Variants in ZFHX3 observed in about 807,000 individuals in gnomAD.
ZFHX3 encodes zinc finger homeobox protein 3.
Under a neutral mutation model 279.1 loss-of-function variants are expected in ZFHX3, and 42 were observed. The observed-to-expected ratio is 0.15, with a 90% CI of 0.12 to 0.19. The LOEUF (loss-of-function observed/expected upper bound fraction) is 0.19. Among genes scored for constraint, ZFHX3 ranks in the 10% least tolerant of loss-of-function variants. The pLI, the probability that ZFHX3 is intolerant of heterozygous loss-of-function variation, is 1.00. For synonymous variants in ZFHX3, 2,293 were observed against 1,957.8 expected, an observed-to-expected ratio of 1.17 and a Z score of -4.52; for missense variants, 4,981 against 4,754.0, an observed-to-expected ratio of 1.05 and a Z score of -1.40.
At chr16:73,864,594 C>G (rs1027036764) in intron 1 of ZFHX3, among the ~76,000 whole-genome samples, 3 of 152,164 alleles carry the variant, frequency 2.0e-5, no homozygotes, top group Non-Finnish European at 4.4e-5. Context: ...TGGCTGGCGC[C>G]TGTAGTCCCA....
rs374747913 is a variant in ZFHX3 at position 72,788,041 on chromosome 16, T to G, written c.10235A>C (p.Lys3412Thr). The G allele has an allele frequency of 2.5e-6, 4 of 1,612,392 alleles. No individual in the cohort carries two copies. Among genetic ancestry groups the G allele is most frequent in the Non-Finnish European group, 2.5e-6 (3 of 1,179,852 alleles). The change falls in exon 10 of 10, where the codon AAA (lysine) becomes ACA (threonine). Residue 3412 changes from lysine to threonine, a missense_variant. Lys to Thr is a moderately conservative substitution (Grantham distance 78). Transcript: ENST00000268489. ...PVPPGAPSPD[K>T]DPAKESPKPE... is the part of the protein sequence containing the mutation. ...TTTGGGGGATTCTTTGGCAGGGTCT[T>G]TGTCTGGGGAAGGAGCCCCGGGGGG...
intron 2 of ZFHX3, among the ~76,000 whole-genome samples, chr16:73,466,308 C>T (rs895484843): frequency 6.6e-6 from 1 of 152,100 alleles, no homozygotes; most frequent in African/African-American, 2.4e-5. Flanking sequence ...ATGGGAAAAC[C>T]CTGTCTCTAC....
At position 73,207,491 on chromosome 16, in the gene ZFHX3, A is replaced by C. The variant is rs1206659574; in HGVS notation, c.-1104+49556T>G. On this transcript the variant is annotated intron_variant, in intron 5 of 17. Coordinates refer to the ZFHX3 transcript ENST00000641206. ...TGGTTCATTTGGTTAGTAAATAGGT[A>C]ATAATAAAGCCAAAAGAACGACAGC... Among the ~76,000 whole-genome samples, 3 of 152,320 alleles carry C rather than the reference A, an allele frequency of 2.0e-5. No homozygotes were observed. The East Asian group carries it at 5.8e-4, about 29-fold the overall frequency.
chr16:72,946,679 C>G (rs2144371697), intron 3 of ZFHX3, among the ~76,000 whole-genome samples: 1 of 152,250 alleles, frequency 6.6e-6, no homozygotes, highest in African/African-American at 2.4e-5. Flanking sequence ...AGCTCTGAAC[C>G]CACACGCCTC....
At chr16:73,259,975 G>A (rs1380778010) in intron 4 of ZFHX3, among the ~76,000 whole-genome samples, 4 of 151,776 alleles carry the variant, frequency 2.6e-5, no homozygotes, top group African/African-American at 7.3e-5. Context: ...GTCCTTAACC[G>A]TAAAATAAAT....
intron 5 of ZFHX3, among the ~76,000 whole-genome samples, chr16:73,192,559 T>C (rs534080719): frequency 6.6e-6 from 1 of 152,312 alleles, no homozygotes; most frequent in Non-Finnish European, 1.5e-5. Context: ...GTCTGAGCTG[T>C]CTGGCTCCTT....
At chr16:73,198,346 T>C (rs1194299777) in intron 5 of ZFHX3, among the ~76,000 whole-genome samples, 1 of 151,932 alleles carries the variant, frequency 6.6e-6, no homozygotes, top group Non-Finnish European at 1.5e-5. Context: ...GGTATCTTTT[T>C]TTTTTTTTTT....
At chr16:73,450,722 A>G (rs1406674128) in intron 3 of ZFHX3, among the ~76,000 whole-genome samples, 1 of 152,174 alleles carries the variant, frequency 6.6e-6, no homozygotes, top group Non-Finnish European at 1.5e-5. Context: ...GAACATGTCG[A>G]AGGAGAACTC....
At chr16:73,551,759 G>C (rs1035147891) in intron 2 of ZFHX3, among the ~76,000 whole-genome samples, 1 of 152,160 alleles carries the variant, frequency 6.6e-6, no homozygotes, top group Non-Finnish European at 1.5e-5. Context: ...CAGCCCACTT[G>C]ATTACATCCT....
chr16:73,615,142 A>G lies in ZFHX3; in HGVS notation c.-1547+65038T>C, dbSNP rs59412212. The stretch of plus-strand genomic sequence containing the variant: ...ACATGTTCAAGAGAGCAAAGCTATT[A>G]AAGAAAAAAAAAAAAAAGCTTGACA... On this transcript the variant is annotated intron_variant, in intron 2 of 17. Transcript: ENST00000641206. Among the ~76,000 whole-genome samples the G allele has an allele frequency of 3.0e-4, 46 of 151,568 alleles. 1 individual carries two copies. In the East Asian group the frequency reaches 5.6e-3, roughly 18 times the overall value.
At chr16:73,879,733 GC>G (rs2030080258) in intron 1 of ZFHX3, among the ~76,000 whole-genome samples, 1 of 152,090 alleles carries the variant, frequency 6.6e-6, no homozygotes, top group African/African-American at 2.4e-5. Context: ...GGGATTCTCA[GC>G]CTCCACAGTG....
At chr16:72,829,326 C>G (rs182206957) in intron 5 of ZFHX3, among the ~76,000 whole-genome samples, 95 of 152,156 alleles carry the variant, frequency 6.2e-4, no homozygotes, top group African/African-American at 1.9e-3. Context: ...AATCTTGAGG[C>G]TAAGAATCAG....
chr16:72,844,379 G>A (rs1226364155), intron 4 of ZFHX3, among the ~76,000 whole-genome samples: 3 of 152,116 alleles, frequency 2.0e-5, no homozygotes, highest in African/African-American at 4.8e-5. Context: ...CAATGGCTGA[G>A]GTCAGAGGGT....
At chr16:73,244,988 T>G (rs1292857763) in intron 5 of ZFHX3, among the ~76,000 whole-genome samples, 3 of 152,306 alleles carry the variant, frequency 2.0e-5, no homozygotes, top group South Asian at 2.1e-4. Context: ...GCCACCTATA[T>G]TAACAGAGCC....
intron 1 of ZFHX3, among the ~76,000 whole-genome samples, chr16:73,872,226 TAA>T (rs2029863775): frequency 6.6e-6 from 1 of 151,766 alleles, no homozygotes; most frequent in Admixed American, 6.6e-5. Flanking sequence ...ACTCCCCATA[TAA>T]AAGAGAGGAC....
intron 2 of ZFHX3, among the ~76,000 whole-genome samples, chr16:73,481,266 C>T (rs993550124): frequency 1.3e-5 from 2 of 151,452 alleles, no homozygotes; most frequent in Non-Finnish European, 2.9e-5. Flanking sequence ...GAGGTGGAGG[C>T]TGCAGTGAGC....
At chr16:73,180,186 C>G (rs1283896733) in intron 5 of ZFHX3, among the ~76,000 whole-genome samples, 1 of 152,190 alleles carries the variant, frequency 6.6e-6, no homozygotes, top group African/African-American at 2.4e-5. Context: ...CTCTTGGACC[C>G]AGGGGTCACT....
intron 5 of ZFHX3, among the ~76,000 whole-genome samples, chr16:73,247,519 A>G (rs894810613): frequency 1.3e-5 from 2 of 150,596 alleles, no homozygotes; most frequent in Non-Finnish European, 3.0e-5. Context: ...GTGTGTTTGT[A>G]TACTACGTAT....
intron 3 of ZFHX3, among the ~76,000 whole-genome samples, chr16:72,918,992 G>A (rs922509962): frequency 7.9e-5 from 12 of 151,572 alleles, no homozygotes; most frequent in Non-Finnish European, 1.5e-4. Flanking sequence ...CACCGCACCC[G>A]GCCTGTTTAG....
Sources: allele counts gnomAD v4.1 joint callset (sites outside exome capture counted in the v4.1 genomes callset), GRCh38; gene constraint gnomAD v4.1.1; transcripts MANE v1.5; gene names NCBI Gene and HGNC (gene_info 2026-07-23, HGNC 2026-07-21).